RAB29: variants seen among roughly 807,000 people sequenced by gnomAD.
RAB29 encodes the protein RAB29, member RAS oncogene family, also known as ras-related protein Rab-29.
A neutral mutation model predicts 25.5 loss-of-function variants in RAB29; 13 were observed. The observed-to-expected ratio is 0.51, with a 90% confidence interval of 0.33 to 0.81. The LOEUF (loss-of-function observed/expected upper bound fraction) is 0.81, where lower values mean the gene tolerates loss of function less well. Among genes scored for constraint, RAB29 ranks in the 30% least tolerant of loss-of-function variants. RAB29 has a pLI of 0.02. For missense variants in RAB29, 201 were observed against 254.9 expected (o/e 0.79, Z 1.44); for synonymous variants, 88 against 95.0 (o/e 0.93, Z 0.43).
Position 205,774,879 on chromosome 1 carries a change from T to C in RAB29, c.78A>G (p.Arg26=). The change falls in exon 2 of 6, where the codon CGA becomes CGG. Residue 26 remains arginine (R), a synonymous_variant. Transcript: ENST00000367139. ...AAVGKTSLVQ[R]YSQDSFSKHY... ...GTTTGCTGAAGCTGTCCTGGGAATA[T>C]CGCTGCACCAGCGACGTCTTGCCCA... is the stretch of plus-strand genomic sequence containing the variant. 2 of 1,568,406 alleles carry C rather than the reference T, an allele frequency of 1.3e-6. No homozygotes were observed. Among genetic ancestry groups the C allele is most frequent in the Non-Finnish European group, 8.7e-7 (1 of 1,150,974 alleles).
At position 205,770,219 on chromosome 1, in the gene RAB29, T is replaced by C. The variant is rs1422350270; in HGVS notation, c.*123A>G. The C allele has an allele frequency of 5.0e-6, 4 of 795,374 alleles. No homozygotes were observed. Among genetic ancestry groups the C allele is most frequent in the Non-Finnish European group, 8.6e-6 (4 of 466,904 alleles). 49.3% of individuals were successfully genotyped at this position (795,374 alleles called of 1,614,324 possible). ...TGTCTTTTCTAAGTGACAATGGGCC[T>C]CCTTACTGGACAGTAGTCAGGAGAC... On this transcript the variant is annotated 3_prime_UTR_variant, in exon 6 of 6. Coordinates refer to ENST00000367139, the MANE Select transcript of RAB29 (RefSeq NM_003929.3).
chr1:205,770,839 A>G lies in RAB29; in HGVS notation c.394T>C (p.Trp132Arg). 6.2e-7 allele frequency: 1 copy of G among 1,614,168 alleles called. No individual in the cohort carries two copies. Among genetic ancestry groups the G allele is most frequent in the Non-Finnish European group, 8.5e-7 (1 of 1,180,030 alleles). The change falls in exon 5 of 6, where the codon TGG becomes CGG. Residue 132 changes from tryptophan (W) to arginine (R), a missense_variant. Trp to Arg is a moderately radical substitution (Grantham distance 101, BLOSUM62 -3). Coordinates refer to ENST00000367139, the MANE Select transcript of RAB29 (RefSeq NM_003929.3). ...LLANKCDLSP[W>R]AVSRDQIDRF... ...TCAATCTGGTCCCGGCTCACTGCCCAAGGGGACAGATCACACTAGCAAAGA... is the reference window on the plus strand; with the variant it reads ...TCAATCTGGTCCCGGCTCACTGCCCGAGGGGACAGATCACACTAGCAAAGA...
chr1:205,772,676 C>T, intron 2 of RAB29, 109 bp from the exon 3 acceptor site: 2 of 1,006,038 alleles, frequency 2.0e-6, no homozygotes, highest in East Asian at 2.5e-5. Flanking sequence ...CAACTCCAAT[C>T]CCATATGTTT....
intron 2 of RAB29, among the ~76,000 whole-genome samples, chr1:205,774,563 T>G (rs560068058): frequency 1.3e-5 from 2 of 152,252 alleles, no homozygotes; most frequent in South Asian, 4.1e-4. Flanking sequence ...ATCCTCATCC[T>G]CCCTTCCCTA....
chr1:205,772,530 G>A lies in RAB29; in HGVS notation c.162C>T (p.Tyr54=), dbSNP rs1287260038. The change falls in exon 3 of 6, where the codon TAC becomes TAT. Residue 54 remains tyrosine (Y), a synonymous_variant. Coordinates refer to ENST00000367139, the MANE Select transcript of RAB29 (RefSeq NM_003929.3). ...FALKVLQWSD[Y]EIVRLQLWDI... is the part of the protein sequence containing the mutation. ...CCCACAGCTGAAGCCGCACTATCTC[G>A]TAGTCAGACCACTGGAGAACCTTCA... The A allele has an allele frequency of 7.4e-6, 12 of 1,613,790 alleles. No homozygotes were observed. Among genetic ancestry groups the A allele is most frequent in the East Asian group, 2.2e-5 (1 of 44,876 alleles).
Position 205,774,841 on chromosome 1 carries a change from G to A in RAB29, c.116C>T (p.Thr39Met). 1 of 955,258 alleles carries A rather than the reference G, an allele frequency of 1.0e-6. No homozygotes were observed. The highest frequency in any genetic ancestry group is 1.5e-6 in the Non-Finnish European group (1 of 652,448). 59.2% of individuals were successfully genotyped at this position (955,258 alleles called of 1,614,324 possible). The change falls in exon 2 of 6, where the codon ACG becomes ATG. Residue 39 changes from threonine (T) to methionine (M), a missense_variant. Transcript: ENST00000367139. ...CCCCCGAGACGTCTCACCTCCCACC[G>A]TGGACTTGTAGTGTTTGCTGAAGCT... ...QDSFSKHYKS[T>M]VGVDFALKVL...
intron 3 of RAB29, 44 bp from the exon 4 acceptor site, chr1:205,771,697 C>A (rs1014639884): frequency 2.6e-6 from 4 of 1,563,872 alleles, no homozygotes; most frequent in Admixed American, 1.7e-5. Context: ...CAAGAGCCGG[C>A]CTCTCCCCAT....
intron 4 of RAB29, chr1:205,771,256 G>A (rs1042340121): frequency 7.2e-5 from 43 of 596,028 alleles, no homozygotes; most frequent in Admixed American, 2.3e-4. Context: ...CCGAGATCGC[G>A]CCACTGCACT....
chr1:205,774,809 C>CA, intron 2 of RAB29, 24 bp downstream of exon 2: 2 of 1,522,328 alleles, frequency 1.3e-6, no homozygotes, highest in Non-Finnish European at 8.9e-7. Context: ...CCCCCTCCCC[C>CA]TCCCCACCCC....
intron 5 of RAB29, 38 bp downstream of exon 5, chr1:205,770,695 T>C (rs1434004581): frequency 1.2e-6 from 2 of 1,613,528 alleles, no homozygotes; most frequent in Non-Finnish European, 1.7e-6. Context: ...CAGTGGAAGA[T>C]GGATACATCT....
At chr1:205,772,422 C>T (rs909422142) in intron 3 of RAB29, 74 bp downstream of exon 3, 3 of 1,461,138 alleles carry the variant, frequency 2.1e-6, no homozygotes, top group Non-Finnish European at 2.9e-6. Context: ...GCTTTGCTGC[C>T]CCATTTTTTC....
chr1:205,773,826 G>A (rs1306047926), intron 2 of RAB29, among the ~76,000 whole-genome samples: 1 of 152,116 alleles, frequency 6.6e-6, no homozygotes, highest in African/African-American at 2.4e-5. Flanking sequence ...TTCTTAAGGA[G>A]AATGTTTTAA....
chr1:205,771,500 G>C lies in RAB29; in HGVS notation c.350C>G (p.Pro117Arg). 1 of 1,614,120 alleles carries C rather than the reference G, an allele frequency of 6.2e-7. No individual in the cohort carries two copies. The highest frequency in any genetic ancestry group is 1.1e-5 in the South Asian group (1 of 91,070). ...DSKLTLPNGE[P>R]VPCLLLANKC... ...GTTGGCCAAGAGCAGGCAGGGCACCGGCTCTCCATTGGGTAGTGTGAGCTT... is the reference window on the plus strand; with the variant it reads ...GTTGGCCAAGAGCAGGCAGGGCACCCGCTCTCCATTGGGTAGTGTGAGCTT... Residue 117 changes from proline to arginine, a missense_variant, in exon 4 of 6, where the codon CCG (proline) becomes CGG (arginine). Physicochemically the swap from Pro to Arg is moderately radical, Grantham distance 103. Transcript: ENST00000367139.
Position 205,770,070 on chromosome 1 carries a change from T to G in RAB29, c.*272A>C. 1 of 478,010 alleles carries G rather than the reference T, an allele frequency of 2.1e-6. No homozygotes were observed. The highest frequency in any genetic ancestry group is 2.6e-5 in the South Asian group (1 of 38,314). The allele number at this position is 478,010 out of a possible 1,614,324, so 29.6% of individuals were successfully genotyped here. A position where few individuals can be genotyped will look rare whatever the true frequency, so the allele number is the denominator to read the frequency against. ...TGATTTCTAATCCTTCTCATAAAAT[T>G]CCGGATCACAAATTGAGGGCTGATG... On this transcript the variant is annotated 3_prime_UTR_variant, in exon 6 of 6. Coordinates refer to ENST00000367139, the MANE Select transcript of RAB29 (RefSeq NM_003929.3).
rs1338946580 is a variant in RAB29 at position 205,769,893 on chromosome 1, A to G, written c.*449T>C. ...GAATCAGATGTTTACATTCCAAGAC[A>G]GAAAGAATCTGAAACAACGGCCTAC... On this transcript the variant is annotated 3_prime_UTR_variant, in exon 6 of 6. Transcript: ENST00000367139. 1 of 202,786 alleles carries G rather than the reference A, an allele frequency of 4.9e-6. No individual in the cohort carries two copies. The highest frequency in any genetic ancestry group is 5.3e-5 in the Admixed American group (1 of 18,692). 12.6% of individuals were successfully genotyped at this position (202,786 alleles called of 1,614,324 possible).
At position 205,775,219 on chromosome 1, in the gene RAB29, C is replaced by A. The variant is rs892067002; in HGVS notation, c.-131+54G>T. On this transcript the variant is annotated intron_variant, in intron 1 of 5. Transcript: ENST00000367139. ...CCGGCTGTTCGCACCTTCCCCACCC[C>A]CTCCTGGCCTGACTGCCGAGAAACT... 22 of 431,226 alleles carry A rather than the reference C, an allele frequency of 5.1e-5. No individual in the cohort carries two copies. The East Asian group carries it at 8.0e-4, about 16-fold the overall frequency. The allele number at this position is 431,226 out of a possible 1,614,324, so 26.7% of individuals were successfully genotyped here. A position where few individuals can be genotyped will look rare whatever the true frequency, so the allele number is the denominator to read the frequency against.
intron 3 of RAB29, 121 bp downstream of exon 3, chr1:205,772,375 C>T (rs1571617400): frequency 1.0e-6 from 1 of 994,076 alleles, no homozygotes; most frequent in Non-Finnish European, 1.6e-6. Flanking sequence ...GTCCTCAGAG[C>T]AGCTCAATCA....
rs764241060 is a variant in RAB29, at chr1:205,770,319, G to T, written c.*23C>A. On this transcript the variant is annotated 3_prime_UTR_variant, in exon 6 of 6. Coordinates refer to ENST00000367139, the MANE Select transcript of RAB29 (RefSeq NM_003929.3). Reference sequence around the variant, plus strand: ...GACTTAAAAGACCTCCCAGAACTGGGATGGAAAATAAGCCAAACACTACTA... The same window carrying T: ...GACTTAAAAGACCTCCCAGAACTGGTATGGAAAATAAGCCAAACACTACTA... The T allele has an allele frequency of 3.8e-6, 6 of 1,590,982 alleles. No homozygotes were observed. In the South Asian group the frequency reaches 4.4e-5, roughly 12 times the overall value.
intron 4 of RAB29, chr1:205,771,161 T>C (rs983077002): frequency 5.6e-5 from 26 of 465,140 alleles, no homozygotes; most frequent in African/African-American, 4.8e-4. Flanking sequence ...TAGCTGGGTG[T>C]GGTGGTGGGC....
Sources: gnomAD v4.1 joint callset for allele counts (sites outside exome capture counted in the v4.1 genomes callset) on GRCh38, gnomAD v4.1.1 for gene constraint, MANE v1.5 for transcripts, NCBI Gene and HGNC (gene_info 2026-07-23, HGNC 2026-07-21) for gene names.